The following ESR1 variants were observed in gnomAD, a reference collection of about 807,000 sequenced individuals.
The protein encoded by ESR1 is estrogen receptor 1.
In ESR1, 12 loss-of-function variants were observed where a neutral mutation model predicts 52.7. The ratio of observed to expected loss-of-function variants is 0.23; its 90% confidence interval spans 0.15 to 0.37. The LOEUF (loss-of-function observed/expected upper bound fraction) is 0.37. Among genes scored for constraint, ESR1 ranks in the 10% least tolerant of loss-of-function variants. The pLI is 1.00. For synonymous variants in ESR1, 305 were observed against 316.8 expected, an observed-to-expected ratio of 0.96 and a Z score of 0.39; for missense variants, 584 against 779.7, an observed-to-expected ratio of 0.75 and a Z score of 2.99.
At chr6:151,771,533 T>C (rs1444321738) in intron 2 of ESR1, among the ~76,000 whole-genome samples, 3 of 152,130 alleles carry the variant, frequency 2.0e-5, no homozygotes, top group Non-Finnish European at 4.4e-5. Context: ...GATCAAAAAA[T>C]AAAATTGTAT....
chr6:151,863,988 G>T (rs1789377533), intron 2 of ESR1, among the ~76,000 whole-genome samples: 1 of 152,124 alleles, frequency 6.6e-6, no homozygotes, highest in African/African-American at 2.4e-5. Flanking sequence ...TACCATTCAG[G>T]ACATAGGCAT....
intron 4 of ESR1, among the ~76,000 whole-genome samples, chr6:151,965,890 T>TAC (rs1410326569): frequency 6.6e-6 from 1 of 152,176 alleles, no homozygotes; most frequent in Non-Finnish European, 1.5e-5. Context: ...AATTTGATTA[T>TAC]ACAACTAGCA....
intron 6 of ESR1, among the ~76,000 whole-genome samples, chr6:152,079,348 G>T (rs1009391700): frequency 6.6e-6 from 1 of 152,170 alleles, no homozygotes; most frequent in Non-Finnish European, 1.5e-5. Flanking sequence ...AGGCAAACAG[G>T]GTCTGGGGTG....
chr6:151,798,497 A>G (rs906403577), intron 2 of ESR1, among the ~76,000 whole-genome samples: 1 of 152,212 alleles, frequency 6.6e-6, no homozygotes, highest in Non-Finnish European at 1.5e-5. Context: ...ACTAAAAGTG[A>G]TGTCTTTATT....
intron 3 of ESR1, among the ~76,000 whole-genome samples, chr6:151,916,333 T>C (rs4870061): frequency 0.78 from 119,014 of 152,106 alleles, 47,235 homozygotes; most frequent in African/African-American, 0.9. Context: ...TCTGAAGACA[T>C]TGGTTCAATT....
At chr6:151,828,338 G>C (rs922177922) in intron 1 of ESR1, among the ~76,000 whole-genome samples, 1 of 152,220 alleles carries the variant, frequency 6.6e-6, no homozygotes, top group Non-Finnish European at 1.5e-5. Flanking sequence ...TAAAACCTGT[G>C]TAACTGTAGC....
At chr6:151,740,277 C>A (rs1423870158) in intron 2 of ESR1, among the ~76,000 whole-genome samples, 1 of 142,316 alleles carries the variant, frequency 7.0e-6, no homozygotes, top group Non-Finnish European at 1.5e-5. Context: ...CACCACCATG[C>A]CTGGCTAATT....
At chr6:152,025,791 ATT>A (rs1343726290) in intron 5 of ESR1, among the ~76,000 whole-genome samples, 2 of 151,676 alleles carry the variant, frequency 1.3e-5, no homozygotes, top group African/African-American at 4.8e-5. Context: ...GTTTTAGTTC[ATT>A]TTCTAGCTTT....
intron 2 of ESR1, among the ~76,000 whole-genome samples, chr6:151,721,342 C>T (rs1022807880): frequency 3.9e-5 from 6 of 152,080 alleles, no homozygotes; most frequent in African/African-American, 1.2e-4. Context: ...TGGGAGTACA[C>T]AGATCACTCA....
chr6:151,783,899 C>T (rs938168597), intron 2 of ESR1, among the ~76,000 whole-genome samples: 12 of 152,100 alleles, frequency 7.9e-5, no homozygotes, highest in African/African-American at 1.4e-4. Flanking sequence ...ACTGGTCAAG[C>T]GTTTTGTAGA....
At chr6:151,719,406 T>C (rs1253028823) in intron 2 of ESR1, among the ~76,000 whole-genome samples, 1 of 152,074 alleles carries the variant, frequency 6.6e-6, no homozygotes, top group Non-Finnish European at 1.5e-5. Flanking sequence ...AACCAGGACA[T>C]GAAGGACATG....
chr6:151,873,364 T>A (rs1199729872), intron 2 of ESR1, among the ~76,000 whole-genome samples: 1 of 152,168 alleles, frequency 6.6e-6, no homozygotes, highest in East Asian at 1.9e-4. Flanking sequence ...AAACAATCAA[T>A]GTATAACACA....
intron 4 of ESR1, among the ~76,000 whole-genome samples, chr6:151,966,263 T>A (rs2038263037): frequency 6.6e-6 from 1 of 152,234 alleles, no homozygotes; most frequent in African/African-American, 2.4e-5. Flanking sequence ...GGTGTCACTC[T>A]GACTCTTATT....
rs568649834 is a variant in ESR1, at chr6:152,049,573, G to A, written c.1236-11418G>A. ...AACCATTTGCACCAGCATGAATGGAGAGGGTCTGAGTTCTTCTGGGTGAGT... is the reference window on the plus strand; with the variant it reads ...AACCATTTGCACCAGCATGAATGGAAAGGGTCTGAGTTCTTCTGGGTGAGT... On this transcript the variant is annotated intron_variant, in intron 5 of 7. Coordinates refer to ENST00000206249, the MANE Select transcript of ESR1 (RefSeq NM_000125.4). Among the ~76,000 whole-genome samples the A allele has an allele frequency of 8.3e-4, 127 of 152,342 alleles. 1 individual carries two copies. Among genetic ancestry groups the A allele is most frequent in the African/African-American group, 2.9e-3 (120 of 41,586 alleles).
chr6:151,719,792 G>T (rs1781328118), intron 2 of ESR1, among the ~76,000 whole-genome samples: 1 of 152,134 alleles, frequency 6.6e-6, no homozygotes, highest in Non-Finnish European at 1.5e-5. Context: ...TCATTCACTA[G>T]CAGAGAAAAG....
rs1256065739 is a variant in ESR1, at chr6:151,809,306, A to G, written c.452+942A>G. 20 of 336,604 alleles carry G rather than the reference A, an allele frequency of 5.9e-5. No individual in the cohort carries two copies. In the Admixed American group the frequency reaches 6.8e-4, roughly 11 times the overall value. 20.9% of individuals were successfully genotyped at this position (336,604 alleles called of 1,614,324 possible). A position where few individuals can be genotyped will look rare whatever the true frequency, so the allele number is the denominator to read the frequency against. On this transcript the variant is annotated intron_variant, in intron 1 of 7. Coordinates refer to ENST00000206249, the MANE Select transcript of ESR1 (RefSeq NM_000125.4). ...CCTCATTTTAATTTTTTTCCCTACA[A>G]GAATTGTTCTTTCTCCCTCTCCTCT...
rs879232933 is a variant in ESR1, at chr6:152,100,321, C to G, written c.*1355C>G. 2 of 383,916 alleles carry G rather than the reference C, an allele frequency of 5.2e-6. No individual in the cohort carries two copies. The highest frequency in any genetic ancestry group is 9.2e-6 in the Non-Finnish European group (2 of 217,040). The allele number at this position is 383,916 out of a possible 1,614,324, so 23.8% of individuals were successfully genotyped here. On this transcript the variant is annotated 3_prime_UTR_variant, in exon 8 of 8. Transcript: ENST00000206249. ...CCGTTGCTGTCACTACTCAGGCTGA[C>G]TGGGGCCTGGTCAGATTACGTATGC...
intron 1 of ESR1, among the ~76,000 whole-genome samples, chr6:151,679,409 G>C (rs1778372594): frequency 6.6e-6 from 1 of 152,158 alleles, no homozygotes; most frequent in Non-Finnish European, 1.5e-5. Flanking sequence ...GTGTGTGGTG[G>C]CGCAATCTCG....
intron 2 of ESR1, among the ~76,000 whole-genome samples, chr6:151,843,398 C>T (rs1784612487): frequency 1.3e-5 from 2 of 152,116 alleles, no homozygotes; most frequent in Admixed American, 1.3e-4. Flanking sequence ...TTTCATTTTC[C>T]CGCCTGCCTC....
Sources: allele counts gnomAD v4.1 joint callset (sites outside exome capture counted in the v4.1 genomes callset), GRCh38; gene constraint gnomAD v4.1.1; transcripts MANE v1.5; gene names NCBI Gene and HGNC (gene_info 2026-07-23, HGNC 2026-07-21).